Variants in LRP1B observed in about 807,000 individuals in gnomAD.
LRP1B encodes the protein LDL receptor related protein 1B.
In LRP1B, 217 loss-of-function variants were observed where a neutral mutation model predicts 556.6. The observed-to-expected ratio is 0.39, with a 90% CI of 0.35 to 0.44. The LOEUF (loss-of-function observed/expected upper bound fraction) is 0.44, where lower values mean the gene tolerates loss of function less well. Among genes scored for constraint, LRP1B ranks in the 20% least tolerant of loss-of-function variants. The pLI is 1.00. For missense variants in LRP1B, 5,053 were observed against 5,620.8 expected (o/e 0.90, Z 3.23); for synonymous variants, 2,047 against 1,865.8 (o/e 1.10, Z -2.50).
intron 59 of LRP1B, among the ~76,000 whole-genome samples, chr2:140,478,569 G>A (rs1688077247): frequency 6.6e-6 from 1 of 152,124 alleles, no homozygotes; most frequent in Non-Finnish European, 1.5e-5. Context: ...GGGGAAACTT[G>A]GAACAAGGAC....
At chr2:141,760,788 T>A (rs1157107106) in intron 2 of LRP1B, among the ~76,000 whole-genome samples, 1 of 152,196 alleles carries the variant, frequency 6.6e-6, no homozygotes, top group Non-Finnish European at 1.5e-5. Context: ...CTGTGAAGAT[T>A]CTTACAGACG....
chr2:141,033,511 T>C (rs1477467251), intron 11 of LRP1B, among the ~76,000 whole-genome samples: 2 of 150,060 alleles, frequency 1.3e-5, no homozygotes, highest in Non-Finnish European at 3.0e-5. Context: ...ACAGTAAACA[T>C]CTGCTATGGA....
At chr2:141,458,638 T>C (rs1353718007) in intron 3 of LRP1B, among the ~76,000 whole-genome samples, 1 of 143,342 alleles carries the variant, frequency 7.0e-6, no homozygotes, top group East Asian at 2.5e-4. Context: ...TTCGGATCCC[T>C]ATCTCATTTT....
At chr2:140,531,378 C>G (rs16844168) in intron 47 of LRP1B, among the ~76,000 whole-genome samples, 8,353 of 152,176 alleles carry the variant, frequency 0.055, 410 homozygotes, top group African/African-American at 0.14. Flanking sequence ...CCGCTTACTT[C>G]CAGTGTCTGA....
At chr2:141,639,152 A>C (rs56327677) in intron 2 of LRP1B, among the ~76,000 whole-genome samples, 51,751 of 132,012 alleles carry the variant, frequency 0.39, 10,720 homozygotes, top group Non-Finnish European at 0.48. Context: ...AAGTTACCAA[A>C]TAGTTCACCA....
intron 84 of LRP1B, among the ~76,000 whole-genome samples, chr2:140,294,248 C>G (rs1007569759): frequency 2.6e-5 from 4 of 152,164 alleles, no homozygotes; most frequent in South Asian, 2.1e-4. Context: ...AATACTAGCT[C>G]TAGTTGAACC....
At chr2:140,867,946 T>A (rs1693001894) in intron 26 of LRP1B, 112 bp from the exon 27 acceptor site, 1 of 1,306,760 alleles carries the variant, frequency 7.7e-7, no homozygotes, top group Non-Finnish European at 1.0e-6. Flanking sequence ...AATATTTTTA[T>A]GGGTCTGTAT....
chr2:140,492,583 C>A (rs202101689), intron 57 of LRP1B, 25 bp downstream of exon 57: 1 of 1,528,658 alleles, frequency 6.5e-7, no homozygotes. Context: ...TTAAATGTTA[C>A]GGTGTCATCT....
At chr2:141,444,224 T>C (rs1432969883) in intron 3 of LRP1B, among the ~76,000 whole-genome samples, 2 of 152,200 alleles carry the variant, frequency 1.3e-5, no homozygotes, top group African/African-American at 4.8e-5. Flanking sequence ...ATGATTTGGC[T>C]CTCTGTTTGT....
chr2:140,951,918 T>A lies in LRP1B; in HGVS notation c.2910A>T (p.Leu970=), dbSNP rs2105302985. ...ASCEFPTCEP[L]TQFVCKSGRC... is the part of the protein sequence containing the mutation. ...TTCCACTTTTGCATACGAATTGGGT[T>A]AGTGGCTCACAAGTTGGGAATTCTG... Residue 970 remains leucine, a synonymous_variant, in exon 19 of 91, where the codon CTA becomes CTT. Transcript: ENST00000389484. 6.2e-7 allele frequency: 1 copy of A among 1,613,916 alleles called. No individual in the cohort carries two copies. Among genetic ancestry groups the A allele is most frequent in the Non-Finnish European group, 8.5e-7 (1 of 1,179,804 alleles).
Position 141,396,388 on chromosome 2 carries a change from T to A in LRP1B, c.343+84008A>T, listed in dbSNP as rs1345839509. On this transcript the variant is annotated intron_variant, in intron 3 of 90. Transcript: ENST00000389484. ...GCAAGGCTTTATTTAAAATTACATCTTAAATTCAGTTTCTCACATTGTTAA... is the reference window on the plus strand; with the variant it reads ...GCAAGGCTTTATTTAAAATTACATCATAAATTCAGTTTCTCACATTGTTAA... Among the ~76,000 whole-genome samples the A allele has an allele frequency of 2.0e-5, 3 of 152,332 alleles. No individual in the cohort carries two copies. The East Asian group carries it at 5.8e-4, about 29-fold the overall frequency.
intron 18 of LRP1B, among the ~76,000 whole-genome samples, chr2:140,967,695 T>C (rs9752567): frequency 0.73 from 110,760 of 150,942 alleles, 41,169 homozygotes; most frequent in Admixed American, 0.79. Context: ...ATAGCTCTTA[T>C]TATTTTGAGA....
chr2:140,369,675 A>AC (rs1553455319), intron 71 of LRP1B, among the ~76,000 whole-genome samples: 4 of 151,868 alleles, frequency 2.6e-5, no homozygotes, highest in African/African-American at 9.7e-5. Flanking sequence ...AAAAAAAAAA[A>AC]CTATTTTTTT....
At chr2:141,916,824 T>C (rs961611461) in intron 1 of LRP1B, among the ~76,000 whole-genome samples, 1 of 152,098 alleles carries the variant, frequency 6.6e-6, no homozygotes, top group East Asian at 1.9e-4. Context: ...GGTATTATGC[T>C]CACTGTCTGC....
chr2:141,128,629 T>C (rs933809998), intron 7 of LRP1B, among the ~76,000 whole-genome samples: 2 of 152,200 alleles, frequency 1.3e-5, no homozygotes, highest in Admixed American at 1.3e-4. Flanking sequence ...GTTTCTTTTT[T>C]AGTTTTTGTA....
intron 1 of LRP1B, among the ~76,000 whole-genome samples, chr2:141,902,573 A>G (rs1418656783): frequency 6.6e-6 from 1 of 151,974 alleles, no homozygotes; most frequent in Admixed American, 6.6e-5. Context: ...CATCTCGACA[A>G]TTTCTGTGCC....
At chr2:140,836,896 G>T in intron 31 of LRP1B, among the ~76,000 whole-genome samples, 1 of 152,164 alleles carries the variant, frequency 6.6e-6, no homozygotes, top group Non-Finnish European at 1.5e-5. Context: ...CCTTAAACTT[G>T]TTTGCCCCTT....
intron 18 of LRP1B, among the ~76,000 whole-genome samples, chr2:140,967,805 T>A (rs999257175): frequency 1.1e-4 from 17 of 152,032 alleles, no homozygotes; most frequent in Non-Finnish European, 2.4e-4. Flanking sequence ...AATCATGTGT[T>A]TTTTTGTCTT....
At chr2:140,255,274 A>G in intron 86 of LRP1B, among the ~76,000 whole-genome samples, 1 of 152,128 alleles carries the variant, frequency 6.6e-6, no homozygotes, top group East Asian at 1.9e-4. Flanking sequence ...CCTAGACCCA[A>G]AGTGAGAAGG....
Sources: allele counts gnomAD v4.1 joint callset (sites outside exome capture counted in the v4.1 genomes callset), GRCh38; gene constraint gnomAD v4.1.1; transcripts MANE v1.5; gene names NCBI Gene and HGNC (gene_info 2026-07-23, HGNC 2026-07-21).